The following DPP6 variants were observed in gnomAD, a reference collection of about 807,000 sequenced individuals.
DPP6 encodes the protein dipeptidyl peptidase like 6, also known as A-type potassium channel modulatory protein DPP6.
In DPP6, 69 loss-of-function variants were observed where a neutral mutation model predicts 122.6. The ratio of observed to expected loss-of-function variants is 0.56; its 90% confidence interval spans 0.46 to 0.69. DPP6 has a LOEUF of 0.69. Ranked by LOEUF, DPP6 falls within the 30% of genes least tolerant of loss-of-function variation. DPP6 has a pLI of 0.00. For synonymous variants in DPP6, 418 were observed against 433.1 expected (o/e 0.97, Z 0.43); for missense variants, 928 against 1,116.9 (o/e 0.83, Z 2.41).
At chr7:153,819,745 T>C in the DPP6 span, among the ~76,000 whole-genome samples, 1 of 152,350 alleles carries the variant, frequency 6.6e-6, no homozygotes, top group East Asian at 1.9e-4. Context: ...CTGAACTGTA[T>C]ATGTAAAAAT....
At position 154,821,841 on chromosome 7, in the gene DPP6, A is replaced by G. The variant is rs776046023; in HGVS notation, c.1666+14729A>G. 6.6e-6 allele frequency among the ~76,000 whole-genome samples: 1 copy of G among 152,028 alleles called. No individual in the cohort carries two copies. Among genetic ancestry groups the G allele is most frequent in the African/African-American group, 2.4e-5 (1 of 41,370 alleles). On this transcript the variant is annotated intron_variant, in intron 16 of 25. Transcript: ENST00000377770. The surrounding 1 kb of genome is among the most constrained non-coding windows in gnomAD (Gnocchi z 4.2). The stretch of plus-strand genomic sequence containing the variant: ...TGGTGACTACAAAATGTAAACTACT[A>G]ATTAAGAGATACAGGTCCAAGTTAC...
At chr7:154,852,340 C>G (rs1427723798) in intron 16 of DPP6, among the ~76,000 whole-genome samples, 1 of 152,166 alleles carries the variant, frequency 6.6e-6, no homozygotes, top group Admixed American at 6.5e-5. Flanking sequence ...TAGCCTGAAG[C>G]AGAGCGCAAG....
chr7:154,597,044 T>C (rs918824310), intron 5 of DPP6, among the ~76,000 whole-genome samples: 13 of 152,286 alleles, frequency 8.5e-5, no homozygotes, highest in African/African-American at 3.1e-4. Context: ...GACTTCTTAG[T>C]ATTTTGAGGC....
intron 1 of DPP6, among the ~76,000 whole-genome samples, chr7:154,053,456 T>C (rs1800560020): frequency 1.3e-5 from 2 of 151,362 alleles, no homozygotes; most frequent in South Asian, 4.2e-4. Context: ...TATTTCGTGC[T>C]CCGGGAACAC....
At chr7:154,423,062 T>C (rs751323251) in intron 1 of DPP6, among the ~76,000 whole-genome samples, 38 of 152,120 alleles carry the variant, frequency 2.5e-4, no homozygotes, top group Admixed American at 1.2e-3. Flanking sequence ...TTAGTGTGAT[T>C]ACAGAAAATC....
At chr7:153,923,721 A>T (rs1294262276) in intron 1 of DPP6, among the ~76,000 whole-genome samples, 1 of 139,524 alleles carries the variant, frequency 7.2e-6, no homozygotes, top group Non-Finnish European at 1.5e-5. Context: ...AGATCGTGCC[A>T]CTGCACTCCA....
chr7:153,758,046 C>G, the DPP6 span, among the ~76,000 whole-genome samples: 2 of 152,200 alleles, frequency 1.3e-5, no homozygotes, highest in African/African-American at 4.8e-5. Context: ...AAAACTATCC[C>G]ATAGTAAAAC....
intron 1 of DPP6, among the ~76,000 whole-genome samples, chr7:153,926,019 C>G (rs900401058): frequency 6.6e-6 from 1 of 152,172 alleles, no homozygotes; most frequent in African/African-American, 2.4e-5. Context: ...GGACACTCCT[C>G]ACACCCGTTA....
At chr7:154,319,975 A>G (rs1230172541) in intron 1 of DPP6, among the ~76,000 whole-genome samples, 1 of 147,444 alleles carries the variant, frequency 6.8e-6, no homozygotes, top group Admixed American at 6.9e-5. Context: ...TGGGTGACAG[A>G]GCAAGACTCT....
chr7:154,171,187 A>G lies in DPP6; in HGVS notation c.243+118124A>G, dbSNP rs1295586722. 2.0e-5 allele frequency among the ~76,000 whole-genome samples: 3 copies of G among 152,204 alleles called. No individual in the cohort carries two copies. In the East Asian group the frequency reaches 5.8e-4, roughly 29 times the overall value. Reference sequence around the variant, plus strand: ...TTTGGGCTTCCATTTCTGCTCTATCAGGTAAAGGATTGGGACAGATGATCT... The same window carrying G: ...TTTGGGCTTCCATTTCTGCTCTATCGGGTAAAGGATTGGGACAGATGATCT... On this transcript the variant is annotated intron_variant, in intron 1 of 25. Transcript: ENST00000377770.
chr7:154,729,657 G>A (rs1842239161), intron 8 of DPP6, among the ~76,000 whole-genome samples: 1 of 152,112 alleles, frequency 6.6e-6, no homozygotes. Flanking sequence ...CGGTCCTGGG[G>A]GCTAAGCAGC....
chr7:154,446,187 G>T, intron 1 of DPP6, 27 bp from the exon 2 acceptor site: 2 of 1,431,828 alleles, frequency 1.4e-6, no homozygotes, highest in Non-Finnish European at 9.7e-7. Flanking sequence ...CACTCACTGG[G>T]GTTTTCTTTG....
At chr7:154,001,963 A>G (rs1380660659) in intron 1 of DPP6, among the ~76,000 whole-genome samples, 2 of 151,926 alleles carry the variant, frequency 1.3e-5, no homozygotes, top group East Asian at 1.9e-4. Context: ...CTGAACTCCT[A>G]CAGGTTTCAT....
chr7:153,952,418 G>A (rs1421096675), intron 1 of DPP6, among the ~76,000 whole-genome samples: 1 of 152,176 alleles, frequency 6.6e-6, no homozygotes, highest in African/African-American at 2.4e-5. Context: ...ATATCACTAG[G>A]TAAATCTCAC....
intron 18 of DPP6, among the ~76,000 whole-genome samples, chr7:154,871,763 G>T (rs1804418907): frequency 1.3e-5 from 2 of 152,260 alleles, no homozygotes; most frequent in African/African-American, 2.4e-5. Context: ...ACCCAAGCCT[G>T]CAGTGTATCT....
chr7:154,830,830 C>G (rs988277552), intron 16 of DPP6, among the ~76,000 whole-genome samples: 2 of 152,242 alleles, frequency 1.3e-5, no homozygotes, highest in Non-Finnish European at 2.9e-5. Context: ...CCTCAGATAA[C>G]TGCTGCTGCC....
intron 8 of DPP6, among the ~76,000 whole-genome samples, chr7:154,750,883 C>T (rs967639850): frequency 1.3e-5 from 2 of 152,034 alleles, no homozygotes; most frequent in Admixed American, 6.6e-5. Context: ...AGGAGAAGGA[C>T]GGCTCAGGTG....
intron 4 of DPP6, among the ~76,000 whole-genome samples, chr7:154,555,885 A>G (rs191796031): frequency 4.7e-4 from 71 of 152,054 alleles, no homozygotes; most frequent in Non-Finnish European, 5.9e-4. Flanking sequence ...CATTAAAAAA[A>G]TTGTATAATA....
chr7:154,152,947 C>T lies in DPP6; in HGVS notation c.243+99884C>T, dbSNP rs1409527772. On this transcript the variant is annotated intron_variant, in intron 1 of 25. Transcript: ENST00000377770. Reference sequence around the variant, plus strand: ...CGTACATAATTACAAGCATTCTTTACCTGACAGTCCCATGGCTGGACAAGC... The same window carrying T: ...CGTACATAATTACAAGCATTCTTTATCTGACAGTCCCATGGCTGGACAAGC... Among the ~76,000 whole-genome samples the T allele has an allele frequency of 6.6e-5, 10 of 152,244 alleles. 1 individual carries two copies. The highest frequency in any genetic ancestry group is 6.5e-4 in the Admixed American group (10 of 15,284).
Sources: allele counts gnomAD v4.1 joint callset (sites outside exome capture counted in the v4.1 genomes callset), GRCh38; gene constraint gnomAD v4.1.1; non-coding constraint Gnocchi (gnomAD v3.1); transcripts MANE v1.5; gene names NCBI Gene and HGNC (gene_info 2026-07-23, HGNC 2026-07-21).